The following CDH13 variants were observed in gnomAD, a reference collection of about 807,000 sequenced individuals.
The protein encoded by CDH13 is cadherin 13.
A neutral mutation model predicts 63.8 loss-of-function variants in CDH13; 24 were observed. The ratio of observed to expected loss-of-function variants is 0.38; its 90% CI spans 0.27 to 0.53. The LOEUF (loss-of-function observed/expected upper bound fraction) is 0.53, where lower values mean the gene tolerates loss of function less well. Among genes scored for constraint, CDH13 ranks in the 20% least tolerant of loss-of-function variants. CDH13 has a pLI of 0.85. For synonymous variants in CDH13, 503 were observed against 355.3 expected, an observed-to-expected ratio of 1.42 and a Z score of -4.67; for missense variants, 1,049 against 903.1, an observed-to-expected ratio of 1.16 and a Z score of -2.07.
chr16:82,763,289 G>T (rs1041191798), intron 1 of CDH13, among the ~76,000 whole-genome samples: 1 of 152,114 alleles, frequency 6.6e-6, no homozygotes, highest in Admixed American at 6.5e-5. Context: ...CCTTTATCCT[G>T]CTTTGCTTTT....
chr16:83,517,155 C>T (rs1429180050), intron 7 of CDH13, among the ~76,000 whole-genome samples: 1 of 152,144 alleles, frequency 6.6e-6, no homozygotes, highest in Admixed American at 6.5e-5. Flanking sequence ...GGAAGCTCAA[C>T]AGGGTGACTG....
intron 7 of CDH13, among the ~76,000 whole-genome samples, chr16:83,559,398 C>A (rs1385740098): frequency 6.6e-6 from 1 of 151,958 alleles, no homozygotes; most frequent in Non-Finnish European, 1.5e-5. Flanking sequence ...ATGGAGAAAC[C>A]CTGTCTCTAC....
At chr16:83,537,482 T>C (rs939487832) in intron 7 of CDH13, among the ~76,000 whole-genome samples, 3 of 152,236 alleles carry the variant, frequency 2.0e-5, no homozygotes, top group African/African-American at 7.2e-5. Flanking sequence ...GTTATATGAT[T>C]GTTTAATTCT....
At chr16:82,687,387 A>T (rs1915185311) in intron 1 of CDH13, among the ~76,000 whole-genome samples, 1 of 152,188 alleles carries the variant, frequency 6.6e-6, no homozygotes, top group Non-Finnish European at 1.5e-5. Context: ...GTCGGTTCTC[A>T]AGCTGCTAAT....
intron 6 of CDH13, among the ~76,000 whole-genome samples, chr16:83,345,296 G>C (rs557059251): frequency 1.2e-4 from 18 of 152,184 alleles, no homozygotes; most frequent in African/African-American, 3.6e-4. Context: ...TAAATATCCA[G>C]CTTACCTTTG....
intron 1 of CDH13, among the ~76,000 whole-genome samples, chr16:82,691,966 CAGTT>C (rs1407534506): frequency 6.6e-6 from 1 of 152,066 alleles, no homozygotes; most frequent in Non-Finnish European, 1.5e-5. Context: ...TATATGCTGA[CAGTT>C]AGGAAACACT....
intron 4 of CDH13, among the ~76,000 whole-genome samples, chr16:83,128,570 C>G (rs1317428479): frequency 1.3e-5 from 2 of 152,194 alleles, no homozygotes; most frequent in Non-Finnish European, 2.9e-5. Context: ...TGGAAAATCC[C>G]AGTTTACACC....
chr16:83,046,936 A>T (rs1471554293), intron 3 of CDH13, among the ~76,000 whole-genome samples: 2 of 152,150 alleles, frequency 1.3e-5, no homozygotes, highest in African/African-American at 4.8e-5. Context: ...CCTTTCCCCG[A>T]TGGCTACACT....
At chr16:83,477,334 G>C (rs543434709) in intron 6 of CDH13, among the ~76,000 whole-genome samples, 2 of 152,344 alleles carry the variant, frequency 1.3e-5, no homozygotes, top group South Asian at 4.1e-4. Context: ...GCAAAGTGGA[G>C]AGGAGAAGCG....
Position 83,798,032 on chromosome 16 carries a change from C to T in CDH13, c.*3002C>T, listed in dbSNP as rs749710381. On this transcript the variant is annotated 3_prime_UTR_variant, in exon 14 of 14. Transcript: ENST00000567109. ...ACACCAGCAAATCTAAGCATTATAA[C>T]GAAATAAATCCAGCCAGATTTCATG... 6.6e-5 allele frequency: 10 copies of T among 152,254 alleles called. No individual in the cohort carries two copies. Among genetic ancestry groups the T allele is most frequent in the Admixed American group, 1.3e-4 (2 of 15,296 alleles). 9.4% of individuals were successfully genotyped at this position (152,254 alleles called of 1,614,324 possible). A position where few individuals can be genotyped will look rare whatever the true frequency, so the allele number is the denominator to read the frequency against.
intron 5 of CDH13, among the ~76,000 whole-genome samples, chr16:83,305,835 A>G (rs2089862054): frequency 1.3e-5 from 2 of 152,236 alleles, no homozygotes; most frequent in African/African-American, 4.8e-5. Context: ...ATAGATACTC[A>G]ATAAATTGTA....
chr16:82,993,983 C>T (rs1409005933), intron 2 of CDH13, among the ~76,000 whole-genome samples: 1 of 152,156 alleles, frequency 6.6e-6, no homozygotes, highest in Non-Finnish European at 1.5e-5. Flanking sequence ...TGATTCTTTC[C>T]CCATCATTAT....
At chr16:83,462,177 G>A (rs760437742) in intron 6 of CDH13, among the ~76,000 whole-genome samples, 18 of 152,226 alleles carry the variant, frequency 1.2e-4, no homozygotes, top group Non-Finnish European at 1.9e-4. Flanking sequence ...TCTTCAAGCA[G>A]CCATGAGCCC....
chr16:82,923,625 T>G (rs1042542669), intron 2 of CDH13, among the ~76,000 whole-genome samples: 1 of 152,182 alleles, frequency 6.6e-6, no homozygotes, highest in East Asian at 1.9e-4. Context: ...TTCCTGAGTC[T>G]GTTTCCTTGG....
At chr16:83,456,980 T>A (rs964482553) in intron 6 of CDH13, among the ~76,000 whole-genome samples, 1 of 151,754 alleles carries the variant, frequency 6.6e-6, no homozygotes, top group African/African-American at 2.4e-5. Context: ...AAAAGAAAGA[T>A]CCCCTAGGGC....
chr16:83,415,144 C>G (rs1476614909), intron 6 of CDH13, among the ~76,000 whole-genome samples: 1 of 150,608 alleles, frequency 6.6e-6, no homozygotes, highest in African/African-American at 2.4e-5. Flanking sequence ...CAGTTCCCTG[C>G]CAAAAAAAAT....
intron 10 of CDH13, among the ~76,000 whole-genome samples, chr16:83,734,674 T>A (rs544008322): frequency 6.6e-6 from 1 of 150,874 alleles, no homozygotes; most frequent in East Asian, 1.9e-4. Context: ...ATGGCACATG[T>A]ATACATATGT....
chr16:83,543,714 G>C (rs2075333699), intron 7 of CDH13, among the ~76,000 whole-genome samples: 1 of 152,180 alleles, frequency 6.6e-6, no homozygotes, highest in Non-Finnish European at 1.5e-5. Context: ...CCATTCCCCA[G>C]CTGGGACCAG....
At chr16:83,017,308 C>T (rs1914902971) in intron 2 of CDH13, among the ~76,000 whole-genome samples, 1 of 152,188 alleles carries the variant, frequency 6.6e-6, no homozygotes. Flanking sequence ...AGATTCTACT[C>T]AATTCCATTT....
Sources: gnomAD v4.1 joint callset for allele counts (sites outside exome capture counted in the v4.1 genomes callset) on GRCh38, gnomAD v4.1.1 for gene constraint, MANE v1.5 for transcripts, NCBI Gene and HGNC (gene_info 2026-07-23, HGNC 2026-07-21) for gene names.